OTOG: variants seen among roughly 807,000 people sequenced by gnomAD.
OTOG encodes otogelin.
OTOG carries 296 observed loss-of-function variants against 313.8 expected under a neutral mutation model. That is an observed-to-expected ratio of 0.94 (90% CI 0.86 to 1.04). The LOEUF (loss-of-function observed/expected upper bound fraction) is 1.04, where lower values mean the gene tolerates loss of function less well. OTOG is among the 50% of genes least tolerant of loss of function. OTOG has a pLI of 0.00. For missense variants in OTOG, 3,948 were observed against 3,840.1 expected, an observed-to-expected ratio of 1.03 and a Z score of -0.74; for synonymous variants, 1,533 against 1,554.9, an observed-to-expected ratio of 0.99 and a Z score of 0.33.
chr11:17,553,875 A>C (rs1380757289), intron 6 of OTOG, among the ~76,000 whole-genome samples: 1 of 152,276 alleles, frequency 6.6e-6, no homozygotes, highest in Non-Finnish European at 1.5e-5. Context: ...ACATCAAATC[A>C]GAGGACTCAT....
Position 17,613,630 on chromosome 11 carries a change from C to T in OTOG, c.6457C>T (p.Pro2153Ser). 1 of 1,550,696 alleles carries T rather than the reference C, an allele frequency of 6.4e-7. No individual in the cohort carries two copies. The highest frequency in any genetic ancestry group is 8.7e-7 in the Non-Finnish European group (1 of 1,147,026). ...SANLGHLNWP[P>S]FCLVMLNMTH... ...TCTGCAGGGGCACCTGAACTGGCCC[C>T]CGTTCTGTCTGGTGATGTTGAACAT... Residue 2153 changes from proline to serine, a missense_variant, in exon 39 of 56, where the codon CCG becomes TCG. By Grantham distance (74) the Pro-to-Ser change is moderately conservative. Transcript: ENST00000399397.
chr11:17,639,441 TCCCGGTGC>T lies in OTOG; in HGVS notation c.7923_7930del (p.Arg2642SerfsTer9). 1 of 1,550,720 alleles carries T rather than the reference TCCCGGTGC, an allele frequency of 6.4e-7. No homozygotes were observed. Among genetic ancestry groups the T allele is most frequent in the Non-Finnish European group, 8.7e-7 (1 of 1,147,014 alleles). Reference sequence around the variant, plus strand: ...TTTTCAGAATGTGACTGTGACACAATCCCGGTGCCCCGGTGCCATCTGGTATGGAGACG... The same window carrying T: ...TTTTCAGAATGTGACTGTGACACAATCCCGGTGCCATCTGGTATGGAGACG... On this transcript the variant is annotated frameshift_variant, in exon 49 of 56. Transcript: ENST00000399397. LOFTEE classifies it high-confidence loss of function.
At chr11:17,638,605 G>C in intron 48 of OTOG, 56 bp downstream of exon 48, 6 of 1,517,910 alleles carry the variant, frequency 4.0e-6, no homozygotes, top group Non-Finnish European at 5.4e-6. Flanking sequence ...CCCTGCTGAG[G>C]AGGGATTGAG....
intron 23 of OTOG, among the ~76,000 whole-genome samples, chr11:17,582,960 T>G (rs1322340148): frequency 1.3e-5 from 2 of 152,052 alleles, no homozygotes; most frequent in Non-Finnish European, 2.9e-5. Flanking sequence ...TGATGAGAAG[T>G]TTTTAATTTT....
At chr11:17,614,232 C>A (rs1853669599) in intron 39 of OTOG, among the ~76,000 whole-genome samples, 1 of 152,030 alleles carries the variant, frequency 6.6e-6, no homozygotes, top group South Asian at 2.1e-4. Flanking sequence ...CTGTCTCCTC[C>A]TCAGGTCCCA....
intron 15 of OTOG, among the ~76,000 whole-genome samples, chr11:17,568,424 G>T (rs16934397): frequency 0.029 from 4,360 of 152,290 alleles, 122 homozygotes; most frequent in East Asian, 0.085. Flanking sequence ...TCAGTCATAT[G>T]CTTTTCTAAC....
intron 13 of OTOG, 61 bp downstream of exon 13, chr11:17,560,878 G>C (rs1852166362): frequency 7.1e-7 from 1 of 1,415,182 alleles, no homozygotes; most frequent in African/African-American, 1.4e-5. Flanking sequence ...TTCCACGAGG[G>C]CTGCCCATCT....
At chr11:17,572,973 G>A (rs992802104) in intron 18 of OTOG, 105 bp from the exon 19 acceptor site, 87 of 1,070,564 alleles carry the variant, frequency 8.1e-5, no homozygotes, top group South Asian at 1.5e-4. Context: ...TACAGCGTGT[G>A]CACACACACA....
chr11:17,547,451 C>A lies in OTOG; in HGVS notation c.79C>A (p.Arg27=). The change falls in exon 1 of 56, where the codon CGG becomes AGG. Residue 27 remains arginine, a synonymous_variant. Transcript: ENST00000399397. ...PWGEQAAESL[R]VQRLAAAPVL... ...GGGTGAGCAGGCAGCCGAGTCCCTG[C>A]GGGTGCAGCGCCTCGGTGAGAGGGT... The A allele has an allele frequency of 1.5e-6, 2 of 1,375,470 alleles. No homozygotes were observed. The highest frequency in any genetic ancestry group is 1.9e-6 in the Non-Finnish European group (2 of 1,070,034). The allele number at this position is 1,375,470 out of a possible 1,614,324, so 85.2% of individuals were successfully genotyped here. A position where few individuals can be genotyped will look rare whatever the true frequency, so the allele number is the denominator to read the frequency against.
chr11:17,550,765 C>T (rs1851914378), intron 3 of OTOG, among the ~76,000 whole-genome samples: 1 of 152,232 alleles, frequency 6.6e-6, no homozygotes, highest in South Asian at 2.1e-4. Context: ...GGTGGGAAAC[C>T]TGACTCCTGG....
At chr11:17,626,838 G>C (rs1256772596) in intron 39 of OTOG, among the ~76,000 whole-genome samples, 2 of 151,972 alleles carry the variant, frequency 1.3e-5, no homozygotes, top group Non-Finnish European at 2.9e-5. Context: ...TCACTTCTTT[G>C]GTTAAGTTAA....
intron 17 of OTOG, among the ~76,000 whole-genome samples, chr11:17,571,258 G>A (rs1852398169): frequency 6.6e-6 from 1 of 152,212 alleles, no homozygotes. Flanking sequence ...AGTAGGGGGA[G>A]ACCTTGGTTT....
Position 17,632,244 on chromosome 11 carries a change from G to T in OTOG, c.7072+18G>T. The T allele has an allele frequency of 6.5e-7, 1 of 1,544,950 alleles. No individual in the cohort carries two copies. Among genetic ancestry groups the T allele is most frequent in the African/African-American group, 1.4e-5 (1 of 73,082 alleles). On this transcript the variant is annotated intron_variant, in intron 42 of 55. Transcript: ENST00000399397. The stretch of plus-strand genomic sequence containing the variant: ...CTACTGCCGTGAGTTTGCGGGGCAG[G>T]GGGACCCTCCATTGTGACTATTGTT...
chr11:17,643,969 C>T (rs1038855019), intron 54 of OTOG, among the ~76,000 whole-genome samples: 35 of 152,226 alleles, frequency 2.3e-4, no homozygotes, highest in African/African-American at 8.4e-4. Flanking sequence ...TGTCCACTGT[C>T]GCCCAGGTAC....
chr11:17,615,409 TTGA>T (rs1853694789), intron 39 of OTOG, among the ~76,000 whole-genome samples: 2 of 152,360 alleles, frequency 1.3e-5, no homozygotes, highest in South Asian at 2.1e-4. Context: ...GGTGTTGTAC[TTGA>T]TGAACCTTGC....
At position 17,578,466 on chromosome 11, in the gene OTOG, T is replaced by A; in HGVS notation, c.2699T>A (p.Leu900Gln). ...LSRERTCEQQLLNLSVSARGP... is the reference protein window; with the variant it reads ...LSRERTCEQQQLNLSVSARGP... The stretch of plus-strand genomic sequence containing the variant: ...AGGGAGAGGACGTGTGAGCAGCAAC[T>A]GCTGAACCTGAGCGTGTCAGCCCGT... Residue 900 changes from leucine to glutamine, a missense_variant, in exon 23 of 56, where the codon CTG becomes CAG. Physicochemically the swap from Leu to Gln is moderately radical, Grantham distance 113. Coordinates refer to ENST00000399397, the MANE Select transcript of OTOG (RefSeq NM_001292063.2). 1 of 1,541,296 alleles carries A rather than the reference T, an allele frequency of 6.5e-7. No individual in the cohort carries two copies. The highest frequency in any genetic ancestry group is 8.7e-7 in the Non-Finnish European group (1 of 1,146,880).
intron 32 of OTOG, among the ~76,000 whole-genome samples, chr11:17,604,844 G>A (rs1853342564): frequency 6.6e-6 from 1 of 152,230 alleles, no homozygotes; most frequent in Admixed American, 6.5e-5. Context: ...ACAGTGCCTG[G>A]CACGTAGCGA....
chr11:17,607,066 C>A (rs1485412636), intron 33 of OTOG, among the ~76,000 whole-genome samples: 1 of 152,202 alleles, frequency 6.6e-6, no homozygotes, highest in Non-Finnish European at 1.5e-5. Flanking sequence ...TGGAGGAGAA[C>A]CCTCATCTCC....
At position 17,574,713 on chromosome 11, in the gene OTOG, A is replaced by G. The variant is rs200998174; in HGVS notation, c.2294-7A>G. The stretch of plus-strand genomic sequence containing the variant: ...ACAAAGCATGCACCACTCCCCCCTC[A>G]CTGCAGCACTGTCCTGTGAGGCCTC... On this transcript the variant is annotated splice_polypyrimidine_tract_variant and splice_region_variant and intron_variant, in intron 19 of 55. Coordinates refer to ENST00000399397, the MANE Select transcript of OTOG (RefSeq NM_001292063.2). 9.7e-5 allele frequency: 150 copies of G among 1,547,264 alleles called. No homozygotes were observed. Among genetic ancestry groups the G allele is most frequent in the Admixed American group, 5.1e-4 (26 of 50,616 alleles).
Sources: gnomAD v4.1 joint callset for allele counts (sites outside exome capture counted in the v4.1 genomes callset) on GRCh38, gnomAD v4.1.1 for gene constraint, MANE v1.5 for transcripts, NCBI Gene and HGNC (gene_info 2026-07-23, HGNC 2026-07-21) for gene names.